Variants in CATSPERE observed in about 807,000 individuals in gnomAD.
The protein encoded by CATSPERE is catsper channel auxiliary subunit epsilon.
CATSPERE carries 93 observed loss-of-function variants against 114.1 expected under a neutral mutation model. The observed-to-expected ratio is 0.81, with a 90% CI of 0.69 to 0.97. CATSPERE has a LOEUF of 0.97. Among genes scored for constraint, CATSPERE ranks in the 50% least tolerant of loss-of-function variants. CATSPERE has a pLI of 0.00. For synonymous variants in CATSPERE, 341 were observed against 384.1 expected (o/e 0.89, Z 1.31); for missense variants, 1,058 against 1,131.6 (o/e 0.93, Z 0.93).
intron 14 of CATSPERE, among the ~76,000 whole-genome samples, chr1:244,589,254 C>T (rs192890589): frequency 2.6e-5 from 4 of 152,238 alleles, no homozygotes; most frequent in Admixed American, 2.0e-4. Flanking sequence ...AACATTGACT[C>T]TTATCTGAGT....
At chr1:244,466,823 A>G (rs1667667621) in intron 2 of CATSPERE, among the ~76,000 whole-genome samples, 1 of 152,204 alleles carries the variant, frequency 6.6e-6, no homozygotes, top group South Asian at 2.1e-4. Context: ...GTACCTAATG[A>G]GGGATGGTGC....
At chr1:244,562,153 CAAAAAAAAAAA>C (rs11313998) in intron 10 of CATSPERE, among the ~76,000 whole-genome samples, 1 of 70,190 alleles carries the variant, frequency 1.4e-5, no homozygotes, top group African/African-American at 5.1e-5. Context: ...GATCCTGTCT[CAAAAAAAAAAA>C]AAAAAAAAAA....
intron 20 of CATSPERE, among the ~76,000 whole-genome samples, chr1:244,623,807 C>A (rs1672712832): frequency 6.6e-6 from 1 of 152,116 alleles, no homozygotes; most frequent in South Asian, 2.1e-4. Flanking sequence ...AATATATAAC[C>A]AGCTTAATTT....
intron 21 of CATSPERE, among the ~76,000 whole-genome samples, chr1:244,638,432 T>C (rs1321391624): frequency 6.6e-6 from 1 of 152,216 alleles, no homozygotes; most frequent in Admixed American, 6.5e-5. Flanking sequence ...CACCCTCCTT[T>C]AGCAGCCTTT....
intron 17 of CATSPERE, among the ~76,000 whole-genome samples, chr1:244,600,116 G>A (rs1180171190): frequency 2.6e-5 from 4 of 152,082 alleles, no homozygotes; most frequent in Admixed American, 6.5e-5. Context: ...TGATAGACAC[G>A]TCATCCTGCA....
chr1:244,594,018 A>G (rs187891174), intron 17 of CATSPERE, among the ~76,000 whole-genome samples: 1 of 152,328 alleles, frequency 6.6e-6, no homozygotes, highest in East Asian at 1.9e-4. Flanking sequence ...TCCCTAAATC[A>G]ATTCTTATAG....
intron 8 of CATSPERE, among the ~76,000 whole-genome samples, chr1:244,528,023 A>G (rs1350653500): frequency 6.6e-6 from 1 of 152,194 alleles, no homozygotes; most frequent in Non-Finnish European, 1.5e-5. Flanking sequence ...AACATGTGCC[A>G]TGGTGGTTTG....
intron 10 of CATSPERE, among the ~76,000 whole-genome samples, chr1:244,564,367 T>C (rs1345941465): frequency 2.0e-5 from 3 of 152,226 alleles, no homozygotes; most frequent in African/African-American, 4.8e-5. Context: ...ACAATACTGA[T>C]TCTTCCTATC....
chr1:244,522,456 G>C (rs920371613), intron 8 of CATSPERE, among the ~76,000 whole-genome samples: 6 of 152,112 alleles, frequency 3.9e-5, no homozygotes, highest in South Asian at 4.1e-4. Context: ...CATTCAAAAG[G>C]TAGCAGACGG....
rs1317467687 is a variant in CATSPERE at position 244,540,848 on chromosome 1, G to A, written c.537-11474G>A. Among the ~76,000 whole-genome samples, 168 of 75,466 alleles carry A rather than the reference G, an allele frequency of 2.2e-3. 2 individuals are homozygous for A. Among genetic ancestry groups the A allele is most frequent in the African/African-American group, 6.2e-3 (161 of 26,120 alleles). 49.5% of individuals were successfully genotyped at this position (75,466 alleles called of 152,430 possible). ...ACATAACAGAGCCCTCAGAAATAACGCTGCATATCTACAACTATCTGATCT... is the reference window on the plus strand; with the variant it reads ...ACATAACAGAGCCCTCAGAAATAACACTGCATATCTACAACTATCTGATCT... On this transcript the variant is annotated intron_variant, in intron 8 of 21. Transcript: ENST00000366534.
At chr1:244,508,839 A>AT (rs1301622227) in intron 7 of CATSPERE, among the ~76,000 whole-genome samples, 5 of 150,896 alleles carry the variant, frequency 3.3e-5, no homozygotes, top group African/African-American at 4.9e-5. Flanking sequence ...TCTAAAAAAA[A>AT]AAAAAAAAAA....
chr1:244,635,518 TA>T lies in CATSPERE; in HGVS notation c.2679del (p.Ile893MetfsTer6). On this transcript the variant is annotated frameshift_variant, in exon 21 of 22. Transcript: ENST00000366534. LOFTEE classifies it low-confidence loss of function (END_TRUNC). ...SFCNLTAMFA[I>X]ETFGLIPSPS... is the part of the protein sequence containing the mutation. ...TGTAACCTAACAGCTATGTTTGCAA[TA>T]GAGACATTTGGACTGATTCCCAGGT... 6.2e-7 allele frequency: 1 copy of T among 1,612,986 alleles called. No individual in the cohort carries two copies. The highest frequency in any genetic ancestry group is 8.5e-7 in the Non-Finnish European group (1 of 1,179,102).
At chr1:244,520,231 CTA>C (rs2148367750) in intron 8 of CATSPERE, among the ~76,000 whole-genome samples, 1 of 152,194 alleles carries the variant, frequency 6.6e-6, no homozygotes, top group South Asian at 2.1e-4. Flanking sequence ...TGTTTTTTTC[CTA>C]TGAGTATTAT....
At chr1:244,594,474 A>C (rs1165595263) in intron 17 of CATSPERE, among the ~76,000 whole-genome samples, 8 of 152,204 alleles carry the variant, frequency 5.3e-5, no homozygotes, top group Admixed American at 5.2e-4. Flanking sequence ...GCTTGTTACA[A>C]AATTTAAAAT....
At chr1:244,555,441 G>A (rs1348427451) in intron 9 of CATSPERE, among the ~76,000 whole-genome samples, 2 of 148,028 alleles carry the variant, frequency 1.4e-5, no homozygotes, top group East Asian at 2.0e-4. Context: ...AATTATAAAA[G>A]CCATATATAA....
chr1:244,472,833 T>C (rs1327513166), intron 2 of CATSPERE, among the ~76,000 whole-genome samples: 1 of 152,196 alleles, frequency 6.6e-6, no homozygotes, highest in Non-Finnish European at 1.5e-5. Context: ...ACTGTCTCCA[T>C]AGTTTTGCCT....
In CATSPERE at chr1:244,552,666, G is replaced by A. The variant is rs774437688; in HGVS notation, c.881G>A (p.Arg294Gln). 78 of 1,613,900 alleles carry A rather than the reference G, an allele frequency of 4.8e-5. No individual in the cohort carries two copies. The highest frequency in any genetic ancestry group is 4.2e-4 in the East Asian group (19 of 44,890). The change falls in exon 9 of 22, where the codon CGG becomes CAG. Residue 294 changes from arginine to glutamine, a missense_variant. This residue lies in a region of CATSPERE where 787 missense variants were observed against 905.6 expected (regional missense o/e 0.87). Transcript: ENST00000366534. ...AGTGTGGCTCATGTGATCTTATCGC[G>A]GGATGGAATCGTTTTTCTTATAAAT... ...RRSVAHVILS[R>Q]DGIVFLINGV...
At position 244,538,470 on chromosome 1, in the gene CATSPERE, G is replaced by A. The variant is rs78808826; in HGVS notation, c.537-13852G>A. 4.8e-3 allele frequency among the ~76,000 whole-genome samples: 725 copies of A among 152,232 alleles called. 6 individuals carry two copies. The highest frequency in any genetic ancestry group is 0.017 in the African/African-American group (693 of 41,542). ...AATGCATCAGCAAGATGGTAGAATT[G>A]GAGTTCTCTGGCCCAACTCCCCACA... On this transcript the variant is annotated intron_variant, in intron 8 of 21. Transcript: ENST00000366534.
intron 7 of CATSPERE, among the ~76,000 whole-genome samples, chr1:244,517,687 C>T (rs961340299): frequency 1.3e-5 from 2 of 151,434 alleles, no homozygotes; most frequent in African/African-American, 4.9e-5. Flanking sequence ...GTAGGAGAAT[C>T]GCTTGAACCC....
Sources: allele counts gnomAD v4.1 joint callset (sites outside exome capture counted in the v4.1 genomes callset), GRCh38; gene constraint gnomAD v4.1.1; regional missense constraint gnomAD v4.1.1; transcripts MANE v1.5; gene names NCBI Gene and HGNC (gene_info 2026-07-23, HGNC 2026-07-21).